Variants in CDK6 observed in about 807,000 individuals in gnomAD.
CDK6 encodes cyclin dependent kinase 6, also known as cyclin-dependent kinase 6.
A neutral mutation model predicts 37.1 loss-of-function variants in CDK6; 6 were observed. The ratio of observed to expected loss-of-function variants is 0.16; its 90% CI spans 0.09 to 0.32. CDK6 has a LOEUF of 0.32. Among genes scored for constraint, CDK6 ranks in the 10% least tolerant of loss-of-function variants. The pLI is 1.00. For missense variants in CDK6, 224 were observed against 418.9 expected, an observed-to-expected ratio of 0.53 and a Z score of 4.06; for synonymous variants, 160 against 161.3, an observed-to-expected ratio of 0.99 and a Z score of 0.06.
At chr7:92,825,457 C>G (rs116545881) in intron 2 of CDK6, among the ~76,000 whole-genome samples, 1 of 149,734 alleles carries the variant, frequency 6.7e-6, no homozygotes, top group Non-Finnish European at 1.5e-5. Flanking sequence ...CATGCACATG[C>G]GTGCACACAC....
intron 6 of CDK6, chr7:92,618,418 G>GT (rs1795728485): frequency 5.6e-6 from 3 of 532,012 alleles, no homozygotes; most frequent in African/African-American, 3.9e-5. Flanking sequence ...CAGAAGAATT[G>GT]TAAAATTCAG....
intron 2 of CDK6, among the ~76,000 whole-genome samples, chr7:92,803,598 GA>G (rs756232066): frequency 6.6e-4 from 100 of 152,282 alleles, no homozygotes; most frequent in Non-Finnish European, 9.4e-4. Flanking sequence ...ATGTAAGACG[GA>G]TACAGATCAC....
chr7:92,708,914 G>C (rs1317474994), intron 4 of CDK6, among the ~76,000 whole-genome samples: 1 of 152,108 alleles, frequency 6.6e-6, no homozygotes. Flanking sequence ...ACTATGTTCT[G>C]AGCATGTGTC....
intron 5 of CDK6, among the ~76,000 whole-genome samples, chr7:92,629,621 A>G (rs1796009304): frequency 6.6e-6 from 1 of 152,188 alleles, no homozygotes; most frequent in Admixed American, 6.6e-5. Context: ...TCTAATCACT[A>G]TGACAAAAAT....
chr7:92,628,542 T>TC (rs970680319), intron 5 of CDK6, among the ~76,000 whole-genome samples: 9 of 152,022 alleles, frequency 5.9e-5, no homozygotes, highest in Admixed American at 1.3e-4. Context: ...TGGTTATTGC[T>TC]CCCCCCTGCA....
chr7:92,672,166 TACACACACAC>T (rs1434883987), intron 4 of CDK6, among the ~76,000 whole-genome samples: 19 of 38,734 alleles, frequency 4.9e-4, no homozygotes, highest in South Asian at 3.7e-3. Flanking sequence ...TATATACACA[TACACACACAC>T]ACACACAGAC....
intron 5 of CDK6, among the ~76,000 whole-genome samples, chr7:92,669,790 G>T (rs994426532): frequency 1.3e-5 from 2 of 152,210 alleles, no homozygotes; most frequent in Non-Finnish European, 2.9e-5. Flanking sequence ...TTTAAAGACT[G>T]CCCATCCCTG....
chr7:92,641,077 T>G (rs1329631353), intron 5 of CDK6, among the ~76,000 whole-genome samples: 1 of 152,226 alleles, frequency 6.6e-6, no homozygotes, highest in Non-Finnish European at 1.5e-5. Flanking sequence ...GGAAAAACAG[T>G]TGAAAGATAA....
At chr7:92,663,589 T>C (rs1267016276) in intron 5 of CDK6, among the ~76,000 whole-genome samples, 2 of 151,614 alleles carry the variant, frequency 1.3e-5, no homozygotes, top group East Asian at 3.9e-4. Context: ...TAGTCCCAGC[T>C]ACTCAGGAGG....
intron 2 of CDK6, among the ~76,000 whole-genome samples, chr7:92,828,427 C>T (rs530381715): frequency 6.6e-6 from 1 of 152,078 alleles, no homozygotes; most frequent in South Asian, 2.1e-4. Context: ...AAGAACAAGT[C>T]AATAACTTTA....
At chr7:92,797,287 A>C (rs148778004) in intron 2 of CDK6, among the ~76,000 whole-genome samples, 1 of 152,266 alleles carries the variant, frequency 6.6e-6, no homozygotes, top group Admixed American at 6.5e-5. Context: ...ATCCTACTAT[A>C]ACCTGGCTTT....
intron 5 of CDK6, among the ~76,000 whole-genome samples, chr7:92,648,163 C>T (rs6960181): frequency 0.2 from 31,050 of 151,970 alleles, 3,875 homozygotes; most frequent in Middle Eastern, 0.37. Context: ...TTCTTATTTT[C>T]CTATGGGAAT....
chr7:92,626,402 A>C (rs527551058), intron 5 of CDK6, among the ~76,000 whole-genome samples: 1 of 152,054 alleles, frequency 6.6e-6, no homozygotes. Context: ...AGTGGGAGAC[A>C]GAAGTCGCGG....
At chr7:92,658,915 T>C (rs758333894) in intron 5 of CDK6, among the ~76,000 whole-genome samples, 9 of 152,124 alleles carry the variant, frequency 5.9e-5, no homozygotes, top group Non-Finnish European at 1.2e-4. Flanking sequence ...TAAGGACATA[T>C]TGAGGATGAT....
intron 4 of CDK6, among the ~76,000 whole-genome samples, chr7:92,688,779 C>T (rs1364649147): frequency 6.6e-6 from 1 of 152,144 alleles, no homozygotes; most frequent in Non-Finnish European, 1.5e-5. Flanking sequence ...TCTGAAACAT[C>T]ATTATACACT....
chr7:92,648,197 T>C (rs999502972), intron 5 of CDK6, among the ~76,000 whole-genome samples: 2 of 152,312 alleles, frequency 1.3e-5, no homozygotes, highest in Middle Eastern at 3.4e-3. Flanking sequence ...CAAATGCTGA[T>C]ACTGTAGCTA....
intron 3 of CDK6, among the ~76,000 whole-genome samples, chr7:92,771,444 C>T (rs1178959330): frequency 6.6e-6 from 1 of 151,880 alleles, no homozygotes; most frequent in Non-Finnish European, 1.5e-5. Context: ...TGATTTGGAT[C>T]CTTTGAAAAG....
chr7:92,608,669 A>G lies in CDK6; in HGVS notation c.*6471T>C. The G allele has an allele frequency of 8.6e-6, 2 of 231,506 alleles. No homozygotes were observed. The highest frequency in any genetic ancestry group is 1.2e-4 in the East Asian group (2 of 16,378). 14.3% of individuals were successfully genotyped at this position (231,506 alleles called of 1,614,324 possible). ...CCGAACTTTCGGAGAATTGTGTTGT[A>G]CTTATTTATGCACAGAAGACACCCG... is the stretch of plus-strand genomic sequence containing the variant. On this transcript the variant is annotated 3_prime_UTR_variant, in exon 8 of 8. Transcript: ENST00000424848.
chr7:92,674,186 GCTTTTGTTTATAT>G (rs1478071229), intron 4 of CDK6, among the ~76,000 whole-genome samples: 1 of 149,052 alleles, frequency 6.7e-6, no homozygotes, highest in East Asian at 2.0e-4. Context: ...TTGTCTCCAT[GCTTTTGTTTATAT>G]CATTTTCCTA....
Sources: gnomAD v4.1 joint callset for allele counts (sites outside exome capture counted in the v4.1 genomes callset) on GRCh38, gnomAD v4.1.1 for gene constraint, MANE v1.5 for transcripts, NCBI Gene and HGNC (gene_info 2026-07-23, HGNC 2026-07-21) for gene names.